The following ADGRL3 variants were observed in gnomAD, a reference collection of about 807,000 sequenced individuals.
ADGRL3 encodes the protein adhesion G protein-coupled receptor L3, also known as calcium-independent alpha-latrotoxin receptor 3.
In ADGRL3, 62 loss-of-function variants were observed where a neutral mutation model predicts 153.5. That is an observed-to-expected ratio of 0.40 (90% CI 0.33 to 0.50). The LOEUF is 0.50. ADGRL3 is among the 20% of genes least tolerant of loss of function. The probability of loss-of-function intolerance (pLI) is 0.47; values close to 1 mark genes in which losing one functional copy is unlikely to be tolerated. For synonymous variants in ADGRL3, 710 were observed against 672.5 expected (o/e 1.06, Z -0.86); for missense variants, 1,641 against 1,859.4 (o/e 0.88, Z 2.16).
At chr4:61,553,177 C>G (rs2098748220) in intron 4 of ADGRL3, among the ~76,000 whole-genome samples, 2 of 152,178 alleles carry the variant, frequency 1.3e-5, no homozygotes, top group Admixed American at 1.3e-4. Flanking sequence ...CTCTCTTAAT[C>G]AAACTTTATA....
rs746885435 is a variant in ADGRL3 at position 61,948,137 on chromosome 4, G to T, written c.2666G>T (p.Trp889Leu). Residue 889 changes from tryptophan (W) to leucine (L), a missense_variant, in exon 17 of 27, where the codon TGG (tryptophan) becomes TTG (leucine). Coordinates refer to ENST00000683033, the MANE Select transcript of ADGRL3 (RefSeq NM_001387552.1). ...AATTTCAACCCTAACTGTTCATTTT[G>T]GAGCTACTCCAAGCGTACAATGACA... Reference protein sequence around the residue: ...EENFNPNCSFWSYSKRTMTGY... With the variant: ...EENFNPNCSFLSYSKRTMTGY... The T allele has an allele frequency of 6.2e-7, 1 of 1,612,928 alleles. No individual in the cohort carries two copies. The highest frequency in any genetic ancestry group is 8.5e-7 in the Non-Finnish European group (1 of 1,179,414).
intron 18 of ADGRL3, 68 bp from the exon 19 acceptor site, chr4:61,983,315 G>T (rs2099074892): frequency 8.2e-7 from 1 of 1,212,298 alleles, no homozygotes; most frequent in African/African-American, 1.5e-5. Context: ...ATTTAATTTG[G>T]TTTTATGGCA....
chr4:61,534,950 A>G (rs575932362), intron 4 of ADGRL3, among the ~76,000 whole-genome samples: 13 of 152,134 alleles, frequency 8.5e-5, no homozygotes, highest in African/African-American at 2.4e-4. Flanking sequence ...CTGATTGCTC[A>G]GGCTAGAATT....
chr4:62,051,599 G>T (rs984451903), intron 25 of ADGRL3, among the ~76,000 whole-genome samples: 6 of 151,584 alleles, frequency 4.0e-5, no homozygotes, highest in Admixed American at 4.0e-4. Flanking sequence ...AAGTAATCCA[G>T]TCTCTCACAG....
At chr4:61,911,724 T>C (rs1267930079) in intron 12 of ADGRL3, among the ~76,000 whole-genome samples, 1 of 152,118 alleles carries the variant, frequency 6.6e-6, no homozygotes, top group Non-Finnish European at 1.5e-5. Flanking sequence ...TGCTCTATGC[T>C]CATTGAAGAA....
At chr4:61,900,526 C>A (rs191865576) in intron 11 of ADGRL3, among the ~76,000 whole-genome samples, 44 of 152,056 alleles carry the variant, frequency 2.9e-4, no homozygotes, top group Middle Eastern at 3.4e-3. Context: ...GGAATACATT[C>A]ATAAAGATGA....
chr4:61,985,775 A>AAAC (rs2099083124), intron 19 of ADGRL3, among the ~76,000 whole-genome samples: 2 of 152,150 alleles, frequency 1.3e-5, no homozygotes, highest in African/African-American at 4.8e-5. Context: ...GAGTATAGTG[A>AAAC]CAGGCTATAT....
chr4:61,761,931 TAATA>T (rs1322016121), intron 8 of ADGRL3, among the ~76,000 whole-genome samples: 1 of 152,178 alleles, frequency 6.6e-6, no homozygotes, highest in African/African-American at 2.4e-5. Context: ...ACTCTGTCTC[TAATA>T]AATAAATAGA....
intron 1 of ADGRL3, among the ~76,000 whole-genome samples, chr4:61,360,174 T>C (rs2096262108): frequency 6.6e-6 from 1 of 152,180 alleles, no homozygotes; most frequent in South Asian, 2.1e-4. Flanking sequence ...TCTCAGAAGA[T>C]AATAATCTAT....
At chr4:61,217,286 G>C (rs956012718) in intron 1 of ADGRL3, among the ~76,000 whole-genome samples, 2 of 152,164 alleles carry the variant, frequency 1.3e-5, no homozygotes, top group Admixed American at 1.3e-4. Context: ...GCCTGAGCTG[G>C]GTGGTGAGTG....
At chr4:61,939,657 A>G (rs1407929044) in intron 15 of ADGRL3, among the ~76,000 whole-genome samples, 1 of 151,916 alleles carries the variant, frequency 6.6e-6, no homozygotes, top group Non-Finnish European at 1.5e-5. Flanking sequence ...TTTAGTAGAG[A>G]CAGGGTTTCG....
intron 4 of ADGRL3, among the ~76,000 whole-genome samples, chr4:61,572,937 T>A (rs929684587): frequency 2.6e-5 from 4 of 152,012 alleles, no homozygotes; most frequent in African/African-American, 9.7e-5. Flanking sequence ...GATCTTTATG[T>A]AAATGATCAT....
At chr4:61,646,501 G>A (rs1261109470) in intron 5 of ADGRL3, among the ~76,000 whole-genome samples, 3 of 151,714 alleles carry the variant, frequency 2.0e-5, no homozygotes, top group Non-Finnish European at 2.9e-5. Flanking sequence ...TAACAGACAG[G>A]ACCCTCAGCT....
intron 1 of ADGRL3, among the ~76,000 whole-genome samples, chr4:61,253,720 C>T (rs199968922): frequency 1.4e-5 from 2 of 147,230 alleles, no homozygotes; most frequent in Non-Finnish European, 3.0e-5. Context: ...CACATATATA[C>T]ATATATATAT....
At position 61,357,138 on chromosome 4, in the gene ADGRL3, T is replaced by C. The variant is rs142143208; in HGVS notation, c.-239-25986T>C. Among the ~76,000 whole-genome samples, 554 of 152,264 alleles carry C rather than the reference T, an allele frequency of 3.6e-3. 7 individuals are homozygous for C. Among genetic ancestry groups the C allele is most frequent in the East Asian group, 0.015 (78 of 5,182 alleles). On this transcript the variant is annotated intron_variant, in intron 1 of 26. Coordinates refer to ENST00000683033, the MANE Select transcript of ADGRL3 (RefSeq NM_001387552.1). ...TTTTTTAATATCTATCTGGGGAAAG[T>C]AATGAACCATAGCCTTACTTTTATC...
At chr4:61,787,701 A>G (rs1325043040) in intron 8 of ADGRL3, among the ~76,000 whole-genome samples, 1 of 152,160 alleles carries the variant, frequency 6.6e-6, no homozygotes, top group Admixed American at 6.5e-5. Flanking sequence ...TTTCCAAAAT[A>G]GTTTTTCATT....
At chr4:61,319,778 T>C (rs1031317707) in intron 1 of ADGRL3, among the ~76,000 whole-genome samples, 2 of 152,178 alleles carry the variant, frequency 1.3e-5, no homozygotes, top group Non-Finnish European at 2.9e-5. Flanking sequence ...AAACTAGAGA[T>C]CTCTGGCAAC....
chr4:61,249,392 G>A (rs376762072), intron 1 of ADGRL3, among the ~76,000 whole-genome samples: 5 of 152,064 alleles, frequency 3.3e-5, no homozygotes, highest in African/African-American at 1.2e-4. Context: ...GCTCTATGTT[G>A]TCTTCATGAT....
chr4:61,440,225 T>A (rs2097511297), intron 2 of ADGRL3, among the ~76,000 whole-genome samples: 1 of 152,018 alleles, frequency 6.6e-6, no homozygotes, highest in South Asian at 2.1e-4. Context: ...ATTTTTGTAT[T>A]TTTAGTAGAG....
Sources: allele counts gnomAD v4.1 joint callset (sites outside exome capture counted in the v4.1 genomes callset), GRCh38; gene constraint gnomAD v4.1.1; transcripts MANE v1.5; gene names NCBI Gene and HGNC (gene_info 2026-07-23, HGNC 2026-07-21).